The following STX10 variants were observed in gnomAD, a reference collection of about 807,000 sequenced individuals.
STX10 encodes the protein syntaxin 10.
STX10 carries 35 observed loss-of-function variants against 34.1 expected under a neutral mutation model. The observed-to-expected ratio is 1.03, with a 90% CI of 0.78 to 1.36. STX10 has a LOEUF of 1.36. Ranked by LOEUF, STX10 falls within the 40% of genes most tolerant of loss-of-function variation. The pLI, the probability that STX10 is intolerant of heterozygous loss-of-function variation, is 0.00. For missense variants in STX10, 361 were observed against 335.5 expected (o/e 1.08, Z -0.59); for synonymous variants, 155 against 132.9 (o/e 1.17, Z -1.15).
At position 13,149,748 on chromosome 19, in the gene STX10, T is replaced by C; in HGVS notation, c.185A>G (p.Glu62Gly). 1 of 1,614,000 alleles carries C rather than the reference T, an allele frequency of 6.2e-7. No individual in the cohort carries two copies. The highest frequency in any genetic ancestry group is 8.5e-7 in the Non-Finnish European group (1 of 1,179,886). ...GATATCGATGGTCTCTTCCAGGTCC[T>C]CGAGGTCCCACTCGATGCTGCGCAG... ...NGLRSIEWDL[E>G]DLEETIGIVE... The change falls in exon 2 of 8, where the codon GAG becomes GGG. Residue 62 changes from glutamate to glycine, a missense_variant. Transcript: ENST00000587230.
chr19:13,149,961 C>A, intron 1 of STX10, 64 bp from the exon 2 acceptor site: 11 of 1,519,802 alleles, frequency 7.2e-6, no homozygotes, highest in Non-Finnish European at 8.8e-6. Context: ...CCTCTGCCCC[C>A]GACTGCAAAC....
At chr19:13,148,562 C>T (rs1430071849) in intron 4 of STX10, among the ~76,000 whole-genome samples, 1 of 150,422 alleles carries the variant, frequency 6.6e-6, no homozygotes, top group Non-Finnish European at 1.5e-5. Context: ...CACCTGTAAT[C>T]CCAGCTACTT....
chr19:13,144,965 G>A (rs539976571), intron 5 of STX10, 95 bp from the exon 6 acceptor site: 13 of 1,123,956 alleles, frequency 1.2e-5, no homozygotes, highest in East Asian at 5.1e-5. Context: ...CTGGGAGGCC[G>A]AGACAGGCGG....
In STX10 at chr19:13,144,884, G is replaced by C. The variant is rs766500249; in HGVS notation, c.472-14C>G. On this transcript the variant is annotated splice_polypyrimidine_tract_variant and intron_variant, in intron 5 of 7. Coordinates refer to ENST00000587230, the MANE Select transcript of STX10 (RefSeq NM_003765.3). ...ATCCATGATCAGCTGCAGAGCGAAG[G>C]GGTGGGAGATGCTGTTGAAAACGAC... The C allele has an allele frequency of 6.2e-7, 1 of 1,607,170 alleles. No homozygotes were observed. Among genetic ancestry groups the C allele is most frequent in the Admixed American group, 1.7e-5 (1 of 59,242 alleles).
In STX10 at chr19:13,145,309, C is replaced by G; in HGVS notation, c.450G>C (p.Glu150Asp). 1 of 1,611,512 alleles carries G rather than the reference C, an allele frequency of 6.2e-7. No homozygotes were observed. Reference protein sequence around the residue: ...SAVSATSRYIEEQQATQQLIM... With the variant: ...SAVSATSRYIDEQQATQQLIM... ...AAACCTGCTGTGTGGCCTGCTGCTCCTCGATGTAGCGAGATGTGGCCGAGA... is the reference window on the plus strand; with the variant it reads ...AAACCTGCTGTGTGGCCTGCTGCTCGTCGATGTAGCGAGATGTGGCCGAGA... The change falls in exon 5 of 8, where the codon GAG becomes GAC. Residue 150 changes from glutamate to aspartate, a missense_variant. Transcript: ENST00000587230.
rs779336687 is a variant in STX10, at chr19:13,144,890, G to T, written c.472-20C>A. The T allele has an allele frequency of 8.1e-6, 13 of 1,603,412 alleles. No homozygotes were observed. The highest frequency in any genetic ancestry group is 1.0e-5 in the Non-Finnish European group (12 of 1,175,472). On this transcript the variant is annotated intron_variant, in intron 5 of 7. Coordinates refer to ENST00000587230, the MANE Select transcript of STX10 (RefSeq NM_003765.3). ...GATCAGCTGCAGAGCGAAGGGGTGGGAGATGCTGTTGAAAACGACCCCAGA... is the reference window on the plus strand; with the variant it reads ...GATCAGCTGCAGAGCGAAGGGGTGGTAGATGCTGTTGAAAACGACCCCAGA...
At position 13,150,182 on chromosome 19, in the gene STX10, C is replaced by T. The variant is rs750505368; in HGVS notation, c.-9G>A. 9.4e-7 allele frequency: 1 copy of T among 1,068,844 alleles called. No homozygotes were observed. Among genetic ancestry groups the T allele is most frequent in the South Asian group, 1.3e-5 (1 of 75,470 alleles). 66.2% of individuals were successfully genotyped at this position (1,068,844 alleles called of 1,614,324 possible). On this transcript the variant is annotated 5_prime_UTR_variant, in exon 1 of 8. Coordinates refer to ENST00000587230, the MANE Select transcript of STX10 (RefSeq NM_003765.3). This position sits in a 1 kb window ranked among gnomAD's most constrained non-coding sequence, Gnocchi z 4.0. ...GGGTCTTCGAGAGACATGTCAGTCC[C>T]TTCCCCCCCAGGCCGAACCCCCCTC...
chr19:13,144,928 A>G, intron 5 of STX10, 58 bp from the exon 6 acceptor site: 1 of 1,489,132 alleles, frequency 6.7e-7, no homozygotes, highest in South Asian at 1.2e-5. Flanking sequence ...GCCAGGCGCT[A>G]TGGCTTATGA....
At position 13,150,198 on chromosome 19, in the gene STX10, AAC is replaced by A. The variant is rs1491317150; in HGVS notation, c.-27_-26del. ...TGTCAGTCCCTTCCCCCCCAGGCCGAACCCCCCTCCCGGCCTGGGTTCGCGGG... is the reference window on the plus strand; with the variant it reads ...TGTCAGTCCCTTCCCCCCCAGGCCGACCCCCTCCCGGCCTGGGTTCGCGGG... On this transcript the variant is annotated 5_prime_UTR_variant, in exon 1 of 8. Coordinates refer to ENST00000587230, the MANE Select transcript of STX10 (RefSeq NM_003765.3). The surrounding 1 kb of genome is among the most constrained non-coding windows in gnomAD (Gnocchi z 4.0). 6 of 917,634 alleles carry A rather than the reference AAC, an allele frequency of 6.5e-6. No homozygotes were observed. In the Admixed American group the frequency reaches 1.2e-4, roughly 18 times the overall value. 56.8% of individuals were successfully genotyped at this position (917,634 alleles called of 1,614,324 possible).
intron 4 of STX10, among the ~76,000 whole-genome samples, chr19:13,147,435 A>C (rs2019926392): frequency 6.6e-6 from 1 of 151,814 alleles, no homozygotes; most frequent in African/African-American, 2.4e-5. Flanking sequence ...ACTGCACCCC[A>C]GCCTGGGCAA....
At chr19:13,145,202 A>G in intron 5 of STX10, 86 bp downstream of exon 5, 1 of 1,300,528 alleles carries the variant, frequency 7.7e-7, no homozygotes, top group Non-Finnish European at 1.1e-6. Context: ...CCATATCAAC[A>G]ACAACAACAA....
intron 4 of STX10, among the ~76,000 whole-genome samples, chr19:13,145,869 C>T (rs1370533947): frequency 2.0e-5 from 3 of 151,738 alleles, no homozygotes; most frequent in Non-Finnish European, 2.9e-5. Flanking sequence ...ACTAAAAATA[C>T]AAAAATTAGC....
rs778685856 is a variant in STX10, at chr19:13,149,734, T to C, written c.199A>G (p.Thr67Ala). The C allele has an allele frequency of 1.9e-4, 305 of 1,613,330 alleles. No homozygotes were observed. Among genetic ancestry groups the C allele is most frequent in the South Asian group, 1.5e-3 (133 of 91,062 alleles). ...IEWDLEDLEETIGIVEANPGK... is the reference protein window; with the variant it reads ...IEWDLEDLEEAIGIVEANPGK... Reference sequence around the variant, plus strand: ...CCACAAAGCCCCAGGATATCGATGGTCTCTTCCAGGTCCTCGAGGTCCCAC... The same window carrying C: ...CCACAAAGCCCCAGGATATCGATGGCCTCTTCCAGGTCCTCGAGGTCCCAC... Residue 67 changes from threonine (T) to alanine (A), a missense_variant, in exon 2 of 8, where the codon ACC becomes GCC. Transcript: ENST00000587230.
chr19:13,147,661 G>A (rs1164540942), intron 4 of STX10, among the ~76,000 whole-genome samples: 2 of 151,726 alleles, frequency 1.3e-5, no homozygotes, highest in Non-Finnish European at 2.9e-5. Context: ...CACTTTGGGA[G>A]GCCGAGGCAG....
At chr19:13,149,957 C>T (rs1430284252) in intron 1 of STX10, 60 bp from the exon 2 acceptor site, 10 of 1,519,744 alleles carry the variant, frequency 6.6e-6, no homozygotes, top group African/African-American at 1.4e-5. Context: ...CCTGCCTCTG[C>T]CCCCGACTGC....
At position 13,149,530 on chromosome 19, in the gene STX10, A is replaced by G; in HGVS notation, c.269T>C (p.Val90Ala). ...TGCCTCTCGCATCCGCTCCACGAACACCTTTCTCTCCTGCAGGTCCCCGGC... is the reference window on the plus strand; with the variant it reads ...TGCCTCTCGCATCCGCTCCACGAACGCCTTTCTCTCCTGCAGGTCCCCGGC... ...LPAGDLQERK[V>A]FVERMREAVQ... The change falls in exon 3 of 8, where the codon GTG becomes GCG. Residue 90 changes from valine (V) to alanine (A), a missense_variant. Physicochemically the swap from Val to Ala is moderately conservative, Grantham distance 64. Coordinates refer to ENST00000587230, the MANE Select transcript of STX10 (RefSeq NM_003765.3). 1.2e-6 allele frequency: 2 copies of G among 1,613,120 alleles called. No individual in the cohort carries two copies. The highest frequency in any genetic ancestry group is 1.7e-6 in the Non-Finnish European group (2 of 1,179,802).
At chr19:13,145,871 A>G (rs2019886998) in intron 4 of STX10, among the ~76,000 whole-genome samples, 1 of 151,928 alleles carries the variant, frequency 6.6e-6, no homozygotes, top group Non-Finnish European at 1.5e-5. Flanking sequence ...TAAAAATACA[A>G]AAATTAGCCA....
rs1353859467 is a variant in STX10, at chr19:13,144,126, T to G, written c.*284A>C. The stretch of plus-strand genomic sequence containing the variant: ...GTATAAGGCACAGGGGCAAATGGCT[T>G]TGGGGTCCTGGAACTGGAAATGGAG... On this transcript the variant is annotated 3_prime_UTR_variant, in exon 8 of 8. Coordinates refer to ENST00000587230, the MANE Select transcript of STX10 (RefSeq NM_003765.3). 4.4e-5 allele frequency: 22 copies of G among 499,684 alleles called. No homozygotes were observed. In the South Asian group the frequency reaches 6.6e-4, roughly 15 times the overall value. The allele number at this position is 499,684 out of a possible 1,614,324, so 31.0% of individuals were successfully genotyped here.
At position 13,149,810 on chromosome 19, in the gene STX10, C is replaced by T. The variant is rs764075334; in HGVS notation, c.123G>A (p.Glu41=). The T allele has an allele frequency of 5.6e-6, 9 of 1,613,934 alleles. No individual in the cohort carries two copies. Among genetic ancestry groups the T allele is most frequent in the Middle Eastern group, 1.6e-4 (1 of 6,062 alleles). ...GCTCATTGGTCGTCCAGTCCAGCTC[C>T]TCGCGTCCGACCGCCGCGCTTTCCT... ...LLQESAAVGR[E]ELDWTTNELR... Residue 41 remains glutamate, a synonymous_variant, in exon 2 of 8, where the codon GAG becomes GAA. Coordinates refer to ENST00000587230, the MANE Select transcript of STX10 (RefSeq NM_003765.3).
Sources: gnomAD v4.1 joint callset for allele counts (sites outside exome capture counted in the v4.1 genomes callset) on GRCh38, gnomAD v4.1.1 for gene constraint, Gnocchi (gnomAD v3.1) non-coding constraint, MANE v1.5 for transcripts, NCBI Gene and HGNC (gene_info 2026-07-23, HGNC 2026-07-21) for gene names.